HS6ST3: variants seen among roughly 807,000 people sequenced by gnomAD.
HS6ST3 encodes heparan-sulfate 6-O-sulfotransferase 3.
In HS6ST3, 12 loss-of-function variants were observed where a neutral mutation model predicts 36.7. That is an observed-to-expected ratio of 0.33 (90% CI 0.21 to 0.53). The LOEUF (loss-of-function observed/expected upper bound fraction) is 0.53. HS6ST3 is among the 20% of genes least tolerant of loss of function. HS6ST3 has a pLI of 0.95. For missense variants in HS6ST3, 584 were observed against 640.9 expected (o/e 0.91, Z 0.96); for synonymous variants, 240 against 257.5 (o/e 0.93, Z 0.65).
chr13:96,091,236 C>G lies in HS6ST3; in HGVS notation c.374C>G (p.Pro125Arg). The G allele has an allele frequency of 1.9e-6, 3 of 1,593,270 alleles. No individual in the cohort carries two copies. Among genetic ancestry groups the G allele is most frequent in the Non-Finnish European group, 2.6e-6 (3 of 1,169,688 alleles). ...AACGGCTCCCTGCCCCGATTCGTGC[C>G]GCGCTTCAACTTCAGCCTGAAGGAC... ...PENGSLPRFV[P>R]RFNFSLKDLT... Residue 125 changes from proline to arginine, a missense_variant, in exon 1 of 2, where the codon CCG becomes CGG. Around this residue, in one of 3 missense-constraint regions of HS6ST3, gnomAD observed 217 missense variants for 205.4 expected, o/e 1.06. Coordinates refer to ENST00000376705, the MANE Select transcript of HS6ST3 (RefSeq NM_153456.4).
chr13:96,103,880 A>C (rs530272292), intron 1 of HS6ST3, among the ~76,000 whole-genome samples: 1 of 152,048 alleles, frequency 6.6e-6, no homozygotes, highest in Non-Finnish European at 1.5e-5. Context: ...ATCTAAGTGC[A>C]TAAGTCTTTC....
intron 1 of HS6ST3, among the ~76,000 whole-genome samples, chr13:96,313,071 GT>G (rs2054949955): frequency 6.7e-6 from 1 of 149,424 alleles, no homozygotes; most frequent in Non-Finnish European, 1.5e-5. Flanking sequence ...AAATGTATTT[GT>G]TAGTATAAAT....
chr13:96,827,415 G>C (rs1308408939), intron 1 of HS6ST3, among the ~76,000 whole-genome samples: 1 of 152,126 alleles, frequency 6.6e-6, no homozygotes, highest in Admixed American at 6.6e-5. Context: ...GGAACAGAAG[G>C]TTCTTCAACC....
At chr13:96,779,630 C>T (rs1877476090) in intron 1 of HS6ST3, among the ~76,000 whole-genome samples, 1 of 151,954 alleles carries the variant, frequency 6.6e-6, no homozygotes, top group Non-Finnish European at 1.5e-5. Context: ...AAAAGAGATT[C>T]AAGGTGGAAA....
At chr13:96,249,965 G>A (rs2054600653) in intron 1 of HS6ST3, among the ~76,000 whole-genome samples, 1 of 152,136 alleles carries the variant, frequency 6.6e-6, no homozygotes, top group African/African-American at 2.4e-5. Flanking sequence ...GTCATTTAGT[G>A]GGTACCAAGT....
intron 1 of HS6ST3, among the ~76,000 whole-genome samples, chr13:96,513,823 G>A (rs1016142598): frequency 2.6e-5 from 4 of 151,982 alleles, no homozygotes; most frequent in Non-Finnish European, 4.4e-5. Flanking sequence ...TCAGTAGGAG[G>A]CCATCTTTGA....
At chr13:96,670,417 T>A (rs1475921409) in intron 1 of HS6ST3, among the ~76,000 whole-genome samples, 1 of 151,958 alleles carries the variant, frequency 6.6e-6, no homozygotes, top group Non-Finnish European at 1.5e-5. Context: ...GAGAACAGGG[T>A]GAGAGCAGAG....
intron 1 of HS6ST3, among the ~76,000 whole-genome samples, chr13:96,159,320 T>C (rs1269633463): frequency 6.6e-6 from 1 of 152,200 alleles, no homozygotes; most frequent in Non-Finnish European, 1.5e-5. Flanking sequence ...TAAATAAAAA[T>C]AGCATTCATT....
chr13:96,522,919 T>G (rs760469463), intron 1 of HS6ST3, among the ~76,000 whole-genome samples: 22 of 152,206 alleles, frequency 1.4e-4, no homozygotes, highest in Non-Finnish European at 2.4e-4. Context: ...GTTAGCTGGT[T>G]ATTTTGCTCG....
intron 1 of HS6ST3, among the ~76,000 whole-genome samples, chr13:96,698,897 C>T: frequency 6.6e-6 from 1 of 152,164 alleles, no homozygotes; most frequent in Non-Finnish European, 1.5e-5. Context: ...GGTGCCGAAA[C>T]AGAGATATAG....
chr13:96,610,230 T>G (rs1269297840), intron 1 of HS6ST3, among the ~76,000 whole-genome samples: 1 of 152,230 alleles, frequency 6.6e-6, no homozygotes, highest in Non-Finnish European at 1.5e-5. Context: ...TCTGGGTCAT[T>G]GTGAAAAATT....
At chr13:96,673,913 T>A (rs938258348) in intron 1 of HS6ST3, among the ~76,000 whole-genome samples, 23 of 152,140 alleles carry the variant, frequency 1.5e-4, no homozygotes, top group Non-Finnish European at 2.1e-4. Flanking sequence ...AAAAATATAT[T>A]TTTTCCCCTC....
chr13:96,273,925 TTCCCTCCCTCCCTCCC>T (rs60633591), intron 1 of HS6ST3, among the ~76,000 whole-genome samples: 5 of 103,412 alleles, frequency 4.8e-5, no homozygotes, highest in South Asian at 4.7e-4. Context: ...TCCTTCCTTC[TTCCCTCCCTCCCTCCC>T]TCCCTCCCTT....
chr13:96,112,740 C>T (rs890780695), intron 1 of HS6ST3, among the ~76,000 whole-genome samples: 8 of 138,876 alleles, frequency 5.8e-5, no homozygotes, highest in African/African-American at 8.1e-5. Context: ...TGCATCCAGC[C>T]TGGGGGACAG....
intron 1 of HS6ST3, among the ~76,000 whole-genome samples, chr13:96,269,940 G>A (rs2054711699): frequency 6.6e-6 from 1 of 151,938 alleles, no homozygotes; most frequent in Non-Finnish European, 1.5e-5. Flanking sequence ...AACCTTGTTG[G>A]TCTCTAGCTC....
At chr13:96,691,164 G>A (rs2138445212) in intron 1 of HS6ST3, among the ~76,000 whole-genome samples, 1 of 152,230 alleles carries the variant, frequency 6.6e-6, no homozygotes, top group East Asian at 1.9e-4. Context: ...GACATAAGGA[G>A]GGGGTGTTTT....
intron 1 of HS6ST3, among the ~76,000 whole-genome samples, chr13:96,110,179 A>G (rs937029313): frequency 6.6e-6 from 1 of 152,140 alleles, no homozygotes; most frequent in African/African-American, 2.4e-5. Context: ...GGCCTCAGGA[A>G]GCTTACAATT....
intron 1 of HS6ST3, among the ~76,000 whole-genome samples, chr13:96,198,207 T>C (rs1048508669): frequency 6.6e-6 from 1 of 152,194 alleles, no homozygotes; most frequent in Non-Finnish European, 1.5e-5. Flanking sequence ...GGGCACCAAG[T>C]GCCTGGGCTG....
chr13:96,468,216 A>G (rs1191530883), intron 1 of HS6ST3, among the ~76,000 whole-genome samples: 1 of 152,200 alleles, frequency 6.6e-6, no homozygotes, highest in African/African-American at 2.4e-5. Context: ...TAAGTTTAAG[A>G]AAATGAGAAA....
Sources: allele counts gnomAD v4.1 joint callset (sites outside exome capture counted in the v4.1 genomes callset), GRCh38; gene constraint gnomAD v4.1.1; regional missense constraint gnomAD v4.1.1; transcripts MANE v1.5; gene names NCBI Gene and HGNC (gene_info 2026-07-23, HGNC 2026-07-21).